HDAC4: variants seen among roughly 807,000 people sequenced by gnomAD.
HDAC4 encodes histone deacetylase 4, also known as histone deacetylase A.
HDAC4 carries 16 observed loss-of-function variants against 135.1 expected under a neutral mutation model. That is an observed-to-expected ratio of 0.12 (90% CI 0.08 to 0.18). HDAC4 has a LOEUF of 0.18. HDAC4 is among the 10% of genes least tolerant of loss of function. The probability of loss-of-function intolerance (pLI) is 1.00; values close to 1 mark genes in which losing one functional copy is unlikely to be tolerated. For synonymous variants in HDAC4, 685 were observed against 653.4 expected (o/e 1.05, Z -0.74); for missense variants, 1,143 against 1,511.8 (o/e 0.76, Z 4.05).
intron 16 of HDAC4, among the ~76,000 whole-genome samples, chr2:239,100,158 A>G (rs1191112169): frequency 1.3e-5 from 2 of 152,184 alleles, no homozygotes; most frequent in African/African-American, 4.8e-5. Flanking sequence ...TGCAGCCCAG[A>G]GACTCTGCCT....
intron 2 of HDAC4, among the ~76,000 whole-genome samples, chr2:239,252,077 C>T (rs754902852): frequency 3.9e-5 from 6 of 152,220 alleles, no homozygotes; most frequent in Non-Finnish European, 7.3e-5. Context: ...ATGTTCACTA[C>T]GCTAATGTCA....
intron 15 of HDAC4, among the ~76,000 whole-genome samples, chr2:239,105,950 A>G (rs930475557): frequency 2.6e-5 from 4 of 152,100 alleles, no homozygotes; most frequent in Admixed American, 1.3e-4. Context: ...CGCACTGGAG[A>G]GCTGCCCCAC....
chr2:239,318,686 G>GA (rs35112686), intron 2 of HDAC4, among the ~76,000 whole-genome samples: 74,918 of 142,056 alleles, frequency 0.53, 19,843 homozygotes, highest in Non-Finnish European at 0.6. Context: ...AAACGATTCT[G>GA]AAAAAAAAAA....
intron 11 of HDAC4, among the ~76,000 whole-genome samples, chr2:239,127,804 C>T (rs2040298990): frequency 6.6e-6 from 1 of 152,230 alleles, no homozygotes; most frequent in Non-Finnish European, 1.5e-5. Context: ...ACCAAGGTGG[C>T]CCTGCCGGCA....
At chr2:239,236,472 A>T (rs1205522185) in intron 3 of HDAC4, 121 bp downstream of exon 3, 4 of 772,952 alleles carry the variant, frequency 5.2e-6, no homozygotes, top group Non-Finnish European at 8.9e-6. Context: ...AATTCAGTGA[A>T]CCTGATACCC....
chr2:239,101,393 C>T (rs2037616423), intron 16 of HDAC4, among the ~76,000 whole-genome samples: 1 of 152,176 alleles, frequency 6.6e-6, no homozygotes, highest in Non-Finnish European at 1.5e-5. Context: ...TGAGTGAACG[C>T]ATGAAGGACT....
At chr2:239,111,998 C>A (rs1476563449) in intron 13 of HDAC4, among the ~76,000 whole-genome samples, 1 of 152,166 alleles carries the variant, frequency 6.6e-6, no homozygotes, top group Non-Finnish European at 1.5e-5. Context: ...GTTACGTTAA[C>A]AGGATAACAC....
chr2:239,101,395 T>C (rs1482535777), intron 16 of HDAC4, among the ~76,000 whole-genome samples: 1 of 152,102 alleles, frequency 6.6e-6, no homozygotes, highest in Non-Finnish European at 1.5e-5. Context: ...AGTGAACGCA[T>C]GAAGGACTAG....
intron 2 of HDAC4, among the ~76,000 whole-genome samples, chr2:239,345,936 AAC>A (rs921864801): frequency 6.9e-6 from 1 of 145,268 alleles, no homozygotes; most frequent in African/African-American, 2.6e-5. Flanking sequence ...CACTCTAACA[AAC>A]ACACACATCC....
chr2:239,111,446 C>G (rs2038660500), intron 14 of HDAC4, 80 bp downstream of exon 14: 1 of 1,403,288 alleles, frequency 7.1e-7, no homozygotes, highest in Non-Finnish European at 9.8e-7. Context: ...CTCTGCAGAG[C>G]TGGGCCGGGA....
intron 2 of HDAC4, among the ~76,000 whole-genome samples, chr2:239,342,893 A>G (rs1185531000): frequency 6.6e-6 from 1 of 152,172 alleles, no homozygotes; most frequent in African/African-American, 2.4e-5. Flanking sequence ...GGGCTCCCAA[A>G]GGCCTGGCTA....
intron 2 of HDAC4, among the ~76,000 whole-genome samples, chr2:239,276,106 C>T (rs565447887): frequency 3.3e-5 from 5 of 152,254 alleles, no homozygotes; most frequent in African/African-American, 4.8e-5. Flanking sequence ...GGGAGGACTG[C>T]GCAGGGACCT....
intron 2 of HDAC4, among the ~76,000 whole-genome samples, chr2:239,327,765 G>A (rs941288829): frequency 6.6e-6 from 1 of 152,130 alleles, no homozygotes; most frequent in East Asian, 1.9e-4. Context: ...GCAGGCCCTC[G>A]GAAACCCAGA....
intron 20 of HDAC4, among the ~76,000 whole-genome samples, chr2:239,083,293 A>G: frequency 6.6e-6 from 1 of 152,202 alleles, no homozygotes; most frequent in East Asian, 1.9e-4. Flanking sequence ...CTCTCTTCCC[A>G]GGCACTCCTA....
intron 7 of HDAC4, among the ~76,000 whole-genome samples, chr2:239,149,286 G>A (rs552147910): frequency 4.6e-5 from 7 of 151,980 alleles, no homozygotes; most frequent in African/African-American, 1.7e-4. Context: ...TGTAGTCCCA[G>A]CTACTCAGGA....
intron 8 of HDAC4, chr2:239,140,854 A>C (rs776943569): frequency 1.5e-5 from 6 of 412,018 alleles, no homozygotes; most frequent in African/African-American, 1.0e-4. Flanking sequence ...ACGAGGACGC[A>C]GGTGCCCACT....
intron 3 of HDAC4, 44 bp downstream of exon 3, chr2:239,236,549 T>A: frequency 6.7e-7 from 1 of 1,483,854 alleles, no homozygotes; most frequent in Non-Finnish European, 9.2e-7. Flanking sequence ...CCTCTTTGGC[T>A]CAGCGCAGGG....
intron 2 of HDAC4, among the ~76,000 whole-genome samples, chr2:239,252,883 C>T (rs2048859040): frequency 6.6e-6 from 1 of 152,260 alleles, no homozygotes; most frequent in Admixed American, 6.5e-5. Context: ...CTGACGCACA[C>T]ACCCTTAAGA....
chr2:239,221,846 C>T (rs1022964037), intron 3 of HDAC4, among the ~76,000 whole-genome samples: 5 of 152,116 alleles, frequency 3.3e-5, no homozygotes, highest in Non-Finnish European at 5.9e-5. Flanking sequence ...AATGACAAGC[C>T]GAAACTATTG....
Sources: gnomAD v4.1 joint callset for allele counts (sites outside exome capture counted in the v4.1 genomes callset) on GRCh38, gnomAD v4.1.1 for gene constraint, MANE v1.5 for transcripts, NCBI Gene and HGNC (gene_info 2026-07-23, HGNC 2026-07-21) for gene names.